The following RBFOX1 variants were observed in gnomAD, a reference collection of about 807,000 sequenced individuals.
The protein encoded by RBFOX1 is RNA binding protein fox-1 homolog 1.
In RBFOX1, 8 loss-of-function variants were observed where a neutral mutation model predicts 57.7. That is an observed-to-expected ratio of 0.14 (90% CI 0.08 to 0.25). RBFOX1 has a LOEUF of 0.25. Ranked by LOEUF, RBFOX1 falls within the 10% of genes least tolerant of loss-of-function variation. The probability of loss-of-function intolerance (pLI) is 1.00; values close to 1 mark genes in which losing one functional copy is unlikely to be tolerated. For synonymous variants in RBFOX1, 326 were observed against 222.4 expected, an observed-to-expected ratio of 1.47 and a Z score of -4.15; for missense variants, 611 against 548.5, an observed-to-expected ratio of 1.11 and a Z score of -1.14.
chr16:7,163,877 A>G (rs372905821), intron 4 of RBFOX1, among the ~76,000 whole-genome samples: 1 of 152,062 alleles, frequency 6.6e-6, no homozygotes, highest in Non-Finnish European at 1.5e-5. Flanking sequence ...CCAGGCTGGT[A>G]TCGAACTCCT....
chr16:6,636,561 G>T (rs1381749436), intron 2 of RBFOX1, among the ~76,000 whole-genome samples: 1 of 151,662 alleles, frequency 6.6e-6, no homozygotes, highest in East Asian at 1.9e-4. Context: ...CATATCAGAA[G>T]ATTTCTCTTT....
intron 3 of RBFOX1, among the ~76,000 whole-genome samples, chr16:6,864,989 CTTTTTCTTTTTTTTTT>C (rs1223540540): frequency 9.5e-5 from 10 of 105,802 alleles, no homozygotes; most frequent in African/African-American, 3.4e-4. Context: ...GTGGGTTTTT[CTTTTTCTTTTTTTTTT>C]TTTTTTTTTT....
chr16:7,210,516 C>T (rs899153593), intron 4 of RBFOX1, among the ~76,000 whole-genome samples: 4 of 152,160 alleles, frequency 2.6e-5, no homozygotes, highest in African/African-American at 9.7e-5. Context: ...AAAATGCCTT[C>T]ACAGCAATAC....
intron 3 of RBFOX1, among the ~76,000 whole-genome samples, chr16:5,740,424 A>G (rs1417947773): frequency 6.6e-6 from 1 of 152,256 alleles, no homozygotes; most frequent in Non-Finnish European, 1.5e-5. Context: ...GAAGACTTGC[A>G]TATTGGACAC....
intron 4 of RBFOX1, among the ~76,000 whole-genome samples, chr16:7,425,399 G>A (rs1048310100): frequency 2.6e-5 from 4 of 152,038 alleles, no homozygotes; most frequent in South Asian, 2.1e-4. Flanking sequence ...TCCCTCAACC[G>A]GATCATGTAA....
chr16:6,910,429 T>G (rs2071267604), intron 3 of RBFOX1, among the ~76,000 whole-genome samples: 1 of 152,156 alleles, frequency 6.6e-6, no homozygotes, highest in Admixed American at 6.5e-5. Context: ...TGTCCCCAGG[T>G]TCAATGCTGG....
At chr16:6,608,873 T>C (rs2154022288) in intron 2 of RBFOX1, among the ~76,000 whole-genome samples, 1 of 152,350 alleles carries the variant, frequency 6.6e-6, no homozygotes, top group Non-Finnish European at 1.5e-5. Context: ...CAGGGCTGTT[T>C]TTTTCTTGAG....
At chr16:6,607,673 A>G (rs2097960245) in intron 2 of RBFOX1, among the ~76,000 whole-genome samples, 1 of 150,302 alleles carries the variant, frequency 6.7e-6, no homozygotes, top group Non-Finnish European at 1.5e-5. Flanking sequence ...TCTCTGTATT[A>G]TGTCTGCCTA....
rs538049877 is a variant in RBFOX1 at position 7,385,859 on chromosome 16, T to C, written c.28-132288T>C. On this transcript the variant is annotated intron_variant, in intron 4 of 15. Transcript: ENST00000550418. ...ACCTCCGCCTCCTGGGTTCAAGCAGTTTTTCTGCTTCAGCCTCTGAGTAGG... is the reference window on the plus strand; with the variant it reads ...ACCTCCGCCTCCTGGGTTCAAGCAGCTTTTCTGCTTCAGCCTCTGAGTAGG... Among the ~76,000 whole-genome samples the C allele has an allele frequency of 5.8e-4, 88 of 152,188 alleles. 1 individual carries two copies. The highest frequency in any genetic ancestry group is 7.4e-5 in the Non-Finnish European group (5 of 68,018).
chr16:7,440,456 T>A (rs1438146764), intron 4 of RBFOX1, among the ~76,000 whole-genome samples: 1 of 152,104 alleles, frequency 6.6e-6, no homozygotes, highest in Non-Finnish European at 1.5e-5. Context: ...CAACCCCAGT[T>A]AATGATGGGT....
intron 1 of RBFOX1, among the ~76,000 whole-genome samples, chr16:5,254,752 G>A (rs763156907): frequency 6.6e-6 from 1 of 152,210 alleles, no homozygotes; most frequent in Non-Finnish European, 1.5e-5. Context: ...GGAAAAGGCT[G>A]TGTGATGACA....
intron 4 of RBFOX1, among the ~76,000 whole-genome samples, chr16:7,339,588 C>T (rs1170025615): frequency 3.9e-5 from 6 of 152,142 alleles, no homozygotes; most frequent in East Asian, 1.9e-4. Context: ...CGTGGGCATG[C>T]ACCACCACAA....
At chr16:7,246,395 G>A (rs1239249308) in intron 4 of RBFOX1, among the ~76,000 whole-genome samples, 3 of 152,232 alleles carry the variant, frequency 2.0e-5, no homozygotes, top group African/African-American at 7.2e-5. Flanking sequence ...GTGATAACCC[G>A]AATGTTTTCC....
chr16:7,302,587 A>T (rs2096060200), intron 4 of RBFOX1, among the ~76,000 whole-genome samples: 1 of 152,020 alleles, frequency 6.6e-6, no homozygotes, highest in South Asian at 2.1e-4. Context: ...GAAGCCCAAC[A>T]ATCAAAAAAG....
intron 1 of RBFOX1, among the ~76,000 whole-genome samples, chr16:6,080,352 C>T (rs2095981957): frequency 6.6e-6 from 1 of 152,154 alleles, no homozygotes; most frequent in South Asian, 2.1e-4. Context: ...AGGGTTCCAG[C>T]TCTCACCTAA....
chr16:5,253,763 T>A (rs1210185852), intron 1 of RBFOX1, among the ~76,000 whole-genome samples: 1 of 152,254 alleles, frequency 6.6e-6, no homozygotes, highest in African/African-American at 2.4e-5. Context: ...CTCTCTGGCC[T>A]CTTTCAGGCT....
At chr16:7,106,547 T>C (rs1165946972) in intron 4 of RBFOX1, among the ~76,000 whole-genome samples, 1 of 152,152 alleles carries the variant, frequency 6.6e-6, no homozygotes, top group African/African-American at 2.4e-5. Context: ...GGCTTAAACA[T>C]TTGTGTTTTC....
At chr16:5,800,772 T>C (rs1169067503) in intron 3 of RBFOX1, among the ~76,000 whole-genome samples, 1 of 152,102 alleles carries the variant, frequency 6.6e-6, no homozygotes, top group East Asian at 1.9e-4. Flanking sequence ...CTCGGAAACC[T>C]AAGCAAGGAA....
At chr16:6,971,597 C>T (rs771078316) in intron 3 of RBFOX1, among the ~76,000 whole-genome samples, 3 of 152,004 alleles carry the variant, frequency 2.0e-5, no homozygotes, top group East Asian at 1.9e-4. Context: ...CCAGCTGTTA[C>T]ATGGAATATG....
Sources: gnomAD v4.1 joint callset for allele counts (sites outside exome capture counted in the v4.1 genomes callset) on GRCh38, gnomAD v4.1.1 for gene constraint, MANE v1.5 for transcripts, NCBI Gene and HGNC (gene_info 2026-07-23, HGNC 2026-07-21) for gene names.